AK5: variants seen among roughly 807,000 people sequenced by gnomAD.
AK5 encodes adenylate kinase 5, also known as adenylate kinase isoenzyme 5.
Under a neutral mutation model 69.5 loss-of-function variants are expected in AK5, and 27 were observed. The observed-to-expected ratio is 0.39, with a 90% confidence interval of 0.29 to 0.54. AK5 has a LOEUF of 0.54. Among genes scored for constraint, AK5 ranks in the 20% least tolerant of loss-of-function variants. AK5 has a pLI of 0.71. For missense variants in AK5, 531 were observed against 700.4 expected (o/e 0.76, Z 2.73); for synonymous variants, 260 against 244.4 (o/e 1.06, Z -0.60).
chr1:77,398,581 C>T (rs1027397434), intron 6 of AK5, among the ~76,000 whole-genome samples: 2 of 152,192 alleles, frequency 1.3e-5, no homozygotes, highest in Non-Finnish European at 2.9e-5. Flanking sequence ...GTTAATTCAG[C>T]TTGACGAGTA....
chr1:77,557,054 C>T (rs986833213), intron 13 of AK5, among the ~76,000 whole-genome samples: 1 of 151,878 alleles, frequency 6.6e-6, no homozygotes, highest in African/African-American at 2.4e-5. Context: ...CAGAACACAG[C>T]CTCCCTACCT....
At chr1:77,504,319 C>T (rs13376422) in intron 10 of AK5, among the ~76,000 whole-genome samples, 19,018 of 152,130 alleles carry the variant, frequency 0.13, 1,598 homozygotes, top group Admixed American at 0.19. Flanking sequence ...AAAAATAATA[C>T]ATCTTCATTC....
At chr1:77,558,483 G>GGT in intron 13 of AK5, 119 bp from the exon 14 acceptor site, 1 of 618,316 alleles carries the variant, frequency 1.6e-6, no homozygotes, top group Non-Finnish European at 2.9e-6. Flanking sequence ...GTTTTGGGGG[G>GGT]GGTCTTGTGT....
chr1:77,362,616 G>A (rs1352375704), intron 6 of AK5, among the ~76,000 whole-genome samples: 1 of 152,080 alleles, frequency 6.6e-6, no homozygotes, highest in East Asian at 1.9e-4. Context: ...CACCCCAACA[G>A]AAAACTTTCT....
At chr1:77,363,754 A>T (rs1025186348) in intron 6 of AK5, among the ~76,000 whole-genome samples, 1 of 151,622 alleles carries the variant, frequency 6.6e-6, no homozygotes, top group Non-Finnish European at 1.5e-5. Flanking sequence ...CTTGCTTCTT[A>T]CTCTCTTCAA....
At chr1:77,533,221 G>A (rs1353950816) in intron 12 of AK5, among the ~76,000 whole-genome samples, 2 of 152,066 alleles carry the variant, frequency 1.3e-5, no homozygotes, top group African/African-American at 4.8e-5. Flanking sequence ...ATCTGGTTAA[G>A]ATGCAGACTC....
At chr1:77,459,511 G>A (rs1451306149) in intron 8 of AK5, among the ~76,000 whole-genome samples, 1 of 152,158 alleles carries the variant, frequency 6.6e-6, no homozygotes, top group African/African-American at 2.4e-5. Flanking sequence ...TAAGGAGCAT[G>A]AGAATCATCT....
chr1:77,314,679 G>A lies in AK5; in HGVS notation c.699+16732G>A, dbSNP rs1660154276. 2.0e-5 allele frequency: 3 copies of A among 152,044 alleles called. No homozygotes were observed. The South Asian group carries it at 6.2e-4, about 31-fold the overall frequency. The allele number at this position is 152,044 out of a possible 1,614,324, so 9.4% of individuals were successfully genotyped here. A position where few individuals can be genotyped will look rare whatever the true frequency, so the allele number is the denominator to read the frequency against. ...TCCTCCATCCTCCTTTTAGCTATTTGAAACTATATATTTATTGTTAAGTAT... is the reference window on the plus strand; with the variant it reads ...TCCTCCATCCTCCTTTTAGCTATTTAAAACTATATATTTATTGTTAAGTAT... On this transcript the variant is annotated intron_variant, in intron 5 of 13. Coordinates refer to ENST00000354567, the MANE Select transcript of AK5 (RefSeq NM_174858.3).
intron 8 of AK5, among the ~76,000 whole-genome samples, chr1:77,429,980 T>C (rs1046643468): frequency 1.3e-5 from 2 of 152,162 alleles, no homozygotes; most frequent in Non-Finnish European, 2.9e-5. Flanking sequence ...GTTTTGACTT[T>C]ATCCTAAGAG....
At chr1:77,498,503 T>A (rs1474625149) in intron 10 of AK5, among the ~76,000 whole-genome samples, 1 of 152,234 alleles carries the variant, frequency 6.6e-6, no homozygotes, top group Non-Finnish European at 1.5e-5. Flanking sequence ...AGTTCGAATG[T>A]CGGCTCCTAC....
At chr1:77,483,444 A>T (rs7528932) in intron 9 of AK5, 85 bp downstream of exon 9, 364,799 of 1,065,530 alleles carry the variant, frequency 0.34, 65,830 homozygotes, top group Non-Finnish European at 0.37. Flanking sequence ...ACTTGAGAGA[A>T]AAAATATTAA....
chr1:77,425,673 G>A (rs955698892), intron 8 of AK5, among the ~76,000 whole-genome samples: 3 of 152,138 alleles, frequency 2.0e-5, no homozygotes, highest in Non-Finnish European at 2.9e-5. Flanking sequence ...ATGAATAAGT[G>A]AAGATAAAAT....
intron 5 of AK5, among the ~76,000 whole-genome samples, chr1:77,329,250 C>G (rs1660968207): frequency 6.9e-6 from 1 of 145,782 alleles, no homozygotes; most frequent in Admixed American, 6.9e-5. Context: ...TATTGATACA[C>G]TTTGGATTTT....
intron 8 of AK5, among the ~76,000 whole-genome samples, chr1:77,450,165 C>T (rs1300471414): frequency 6.6e-6 from 1 of 152,184 alleles, no homozygotes. Flanking sequence ...CAGCCTGCAC[C>T]TTGTTGTTCG....
intron 5 of AK5, among the ~76,000 whole-genome samples, chr1:77,300,759 C>T (rs1659296912): frequency 6.6e-6 from 1 of 152,152 alleles, no homozygotes; most frequent in Admixed American, 6.5e-5. Context: ...TCCCAGCAAC[C>T]ACCTGTACTT....
At chr1:77,355,894 C>G (rs991773189) in intron 6 of AK5, among the ~76,000 whole-genome samples, 1 of 151,394 alleles carries the variant, frequency 6.6e-6, no homozygotes, top group Admixed American at 6.6e-5. Flanking sequence ...CACACACACA[C>G]ACACACACAC....
Position 77,381,288 on chromosome 1 carries a change from A to T in AK5, c.892-29693A>T, listed in dbSNP as rs1570473543. On this transcript the variant is annotated intron_variant, in intron 6 of 13. Transcript: ENST00000354567. ...GAACTGGAAAGAGGGCCCTCACCAG[A>T]CACTGAATCAGTCAGTGCCTTGATT... Among the ~76,000 whole-genome samples the T allele has an allele frequency of 3.3e-5, 5 of 152,290 alleles. No homozygotes were observed. The East Asian group carries it at 7.7e-4, about 23-fold the overall frequency.
intron 8 of AK5, among the ~76,000 whole-genome samples, chr1:77,440,060 A>T (rs1652226916): frequency 6.6e-6 from 1 of 152,058 alleles, no homozygotes; most frequent in African/African-American, 2.4e-5. Flanking sequence ...TGGTGTATCT[A>T]TTCCACCAGT....
At chr1:77,344,013 A>G (rs1320992926) in intron 6 of AK5, among the ~76,000 whole-genome samples, 1 of 152,192 alleles carries the variant, frequency 6.6e-6, no homozygotes, top group African/African-American at 2.4e-5. Flanking sequence ...TGTCTTCTTT[A>G]GATTCTATAT....
Sources: allele counts gnomAD v4.1 joint callset (sites outside exome capture counted in the v4.1 genomes callset), GRCh38; gene constraint gnomAD v4.1.1; transcripts MANE v1.5; gene names NCBI Gene and HGNC (gene_info 2026-07-23, HGNC 2026-07-21).